The following MYO16 variants were observed in gnomAD, a reference collection of about 807,000 sequenced individuals.
MYO16 encodes myosin XVI.
A neutral mutation model predicts 205.3 loss-of-function variants in MYO16; 94 were observed. The observed-to-expected ratio is 0.46, with a 90% confidence interval of 0.39 to 0.54. The LOEUF (loss-of-function observed/expected upper bound fraction) is 0.54, where lower values mean the gene tolerates loss of function less well. Ranked by LOEUF, MYO16 falls within the 20% of genes least tolerant of loss-of-function variation. The pLI, the probability that MYO16 is intolerant of heterozygous loss-of-function variation, is 0.00. For synonymous variants in MYO16, 988 were observed against 954.0 expected (o/e 1.04, Z -0.66); for missense variants, 2,315 against 2,387.5 (o/e 0.97, Z 0.63).
At chr13:108,632,535 T>A (rs1041107625) in intron 1 of MYO16, among the ~76,000 whole-genome samples, 2 of 152,172 alleles carry the variant, frequency 1.3e-5, no homozygotes, top group African/African-American at 4.8e-5. Flanking sequence ...GTGAAAAAAT[T>A]ATACGCTTCA....
At position 108,998,930 on chromosome 13, in the gene MYO16, G is replaced by T. The variant is rs151107027; in HGVS notation, c.2442+6482G>T. On this transcript the variant is annotated intron_variant, in intron 21 of 34. Transcript: ENST00000457511. ...AAAGGAGAAACACATGCGGAAGCTG[G>T]ATGCTTTTTTTGATAACCTAGCTTC... 3.3e-4 allele frequency among the ~76,000 whole-genome samples: 50 copies of T among 152,286 alleles called. 1 individual carries two copies. The highest frequency in any genetic ancestry group is 1.1e-3 in the African/African-American group (47 of 41,550).
rs1453370466 is a variant in MYO16 at position 109,052,208 on chromosome 13, A to G, written c.2873-92A>G. The stretch of plus-strand genomic sequence containing the variant: ...GAATGACGTCTTGCACCCAGAATGT[A>G]TCAGTGGCTAGAGCTCTTGTATGAA... On this transcript the variant is annotated intron_variant, in intron 24 of 34. Transcript: ENST00000457511. 6.4e-6 allele frequency: 7 copies of G among 1,089,174 alleles called. No homozygotes were observed. In the East Asian group the frequency reaches 9.6e-5, roughly 15 times the overall value. 67.5% of individuals were successfully genotyped at this position (1,089,174 alleles called of 1,614,324 possible).
At chr13:108,943,839 C>A (rs538178487) in intron 16 of MYO16, among the ~76,000 whole-genome samples, 1 of 152,362 alleles carries the variant, frequency 6.6e-6, no homozygotes, top group East Asian at 1.9e-4. Flanking sequence ...CCCGCCTCGG[C>A]CTCCCAGAGT....
intron 12 of MYO16, among the ~76,000 whole-genome samples, chr13:108,870,687 T>C (rs1490516434): frequency 3.9e-5 from 6 of 152,202 alleles, no homozygotes; most frequent in Non-Finnish European, 7.4e-5. Context: ...TTTATCTTTT[T>C]AAAATTTGTA....
intron 32 of MYO16, among the ~76,000 whole-genome samples, chr13:109,147,979 C>T (rs1877432761): frequency 6.6e-6 from 1 of 152,044 alleles, no homozygotes; most frequent in Non-Finnish European, 1.5e-5. Flanking sequence ...TGTTAATAGA[C>T]CTGGGCTTGA....
At chr13:108,865,267 G>A (rs968572831) in intron 11 of MYO16, among the ~76,000 whole-genome samples, 20 of 152,098 alleles carry the variant, frequency 1.3e-4, no homozygotes, top group Admixed American at 2.0e-4. Flanking sequence ...TGGTTAAAAT[G>A]TTCCACTATA....
chr13:108,578,082 A>G, the MYO16 span, among the ~76,000 whole-genome samples: 1 of 152,240 alleles, frequency 6.6e-6, no homozygotes, highest in East Asian at 1.9e-4. Flanking sequence ...AATTACTTCT[A>G]TTTCTTTGTT....
In MYO16 at chr13:108,702,262, G is replaced by T. The variant is rs141046487; in HGVS notation, c.293-10399G>T. On this transcript the variant is annotated intron_variant, in intron 2 of 34. Coordinates refer to ENST00000457511, the MANE Select transcript of MYO16 (RefSeq NM_001198950.3). ...TCCATACCTAGACACAACATAAACT[G>T]TGAAAAGCCAAAGGCAAAAATTATC... Among the ~76,000 whole-genome samples the T allele has an allele frequency of 2.4e-3, 358 of 152,254 alleles. 2 individuals are homozygous for T. The highest frequency in any genetic ancestry group is 7.8e-3 in the African/African-American group (326 of 41,542).
At chr13:109,019,367 G>T (rs1885943368) in intron 22 of MYO16, among the ~76,000 whole-genome samples, 1 of 152,030 alleles carries the variant, frequency 6.6e-6, no homozygotes, top group Non-Finnish European at 1.5e-5. Context: ...ATTTTATATG[G>T]ATTATAGGTC....
In MYO16 at chr13:109,125,177, A is replaced by T; in HGVS notation, c.3601A>T (p.Thr1201Ser). 1 of 1,614,140 alleles carries T rather than the reference A, an allele frequency of 6.2e-7. No individual in the cohort carries two copies. The highest frequency in any genetic ancestry group is 8.5e-7 in the Non-Finnish European group (1 of 1,180,014). ...QRISIRQQEV[T>S]SINSFLQNTE... The stretch of plus-strand genomic sequence containing the variant: ...AATAAGCATCAGACAACAAGAGGTG[A>T]CTTCTATCAATAGCTTTCTGCAGAA... The change falls in exon 30 of 35, where the codon ACT becomes TCT. Residue 1201 changes from threonine (T) to serine (S), a missense_variant. Thr to Ser is a moderately conservative substitution (Grantham distance 58). Coordinates refer to ENST00000457511, the MANE Select transcript of MYO16 (RefSeq NM_001198950.3). This position sits in a 1 kb window ranked among gnomAD's most constrained non-coding sequence, Gnocchi z 4.0.
rs113924797 is a variant in MYO16 at position 108,942,718 on chromosome 13, A to G, written c.1926-14970A>G. ...GTCTCATTCCTCTTTTAATTCCCCA[A>G]TAATCTCAGTTCTTGGCACGTGTAG... On this transcript the variant is annotated intron_variant, in intron 16 of 34. Coordinates refer to ENST00000457511, the MANE Select transcript of MYO16 (RefSeq NM_001198950.3). 7.9e-3 allele frequency among the ~76,000 whole-genome samples: 1,197 copies of G among 152,300 alleles called. 16 individuals are homozygous for G. Among genetic ancestry groups the G allele is most frequent in the African/African-American group, 0.028 (1,155 of 41,554 alleles).
At chr13:108,829,510 A>AGGAAAGAAACATC (rs199778192) in intron 9 of MYO16, among the ~76,000 whole-genome samples, 1 of 152,166 alleles carries the variant, frequency 6.6e-6, no homozygotes, top group East Asian at 1.9e-4. Flanking sequence ...ATCTAATATC[A>AGGAAAGAAACATC]TAAAAAACCA....
chr13:108,577,870 C>T, the MYO16 span, among the ~76,000 whole-genome samples: 60 of 152,252 alleles, frequency 3.9e-4, no homozygotes, highest in African/African-American at 1.3e-3. Flanking sequence ...TACCCCACCC[C>T]GATATCTCCT....
intron 27 of MYO16, among the ~76,000 whole-genome samples, chr13:109,100,077 A>G (rs991532771): frequency 2.0e-5 from 3 of 152,126 alleles, no homozygotes; most frequent in Non-Finnish European, 2.9e-5. Context: ...CTCCTCCTCC[A>G]TTGCAACCTT....
At chr13:108,759,862 C>G (rs973569136) in intron 4 of MYO16, among the ~76,000 whole-genome samples, 1 of 151,364 alleles carries the variant, frequency 6.6e-6, no homozygotes, top group South Asian at 2.1e-4. Context: ...AATTGGACTG[C>G]TCTAGGGATA....
intron 34 of MYO16, among the ~76,000 whole-genome samples, chr13:109,190,534 TG>T (rs1879866870): frequency 6.6e-6 from 1 of 152,216 alleles, no homozygotes. Context: ...TCAGTGTAAT[TG>T]TTAACCAGTA....
At chr13:108,969,420 T>G (rs1051611090) in intron 20 of MYO16, among the ~76,000 whole-genome samples, 1 of 152,204 alleles carries the variant, frequency 6.6e-6, no homozygotes, top group Non-Finnish European at 1.5e-5. Flanking sequence ...CATACATAGA[T>G]TCCCATAATT....
At chr13:109,028,520 T>G (rs1886438854) in intron 23 of MYO16, 1 of 172,170 alleles carries the variant, frequency 5.8e-6, no homozygotes, top group South Asian at 1.2e-4. Flanking sequence ...AGGCATACAG[T>G]TGTGTGAAAT....
intron 4 of MYO16, among the ~76,000 whole-genome samples, chr13:108,758,731 C>T (rs1398088909): frequency 6.6e-6 from 1 of 152,126 alleles, no homozygotes; most frequent in Non-Finnish European, 1.5e-5. Flanking sequence ...GATCAAGCTC[C>T]ACAAAATACG....
Sources: gnomAD v4.1 joint callset for allele counts (sites outside exome capture counted in the v4.1 genomes callset) on GRCh38, gnomAD v4.1.1 for gene constraint, Gnocchi (gnomAD v3.1) non-coding constraint, MANE v1.5 for transcripts, NCBI Gene and HGNC (gene_info 2026-07-23, HGNC 2026-07-21) for gene names.